CPA6: variants seen among roughly 807,000 people sequenced by gnomAD.
CPA6 encodes carboxypeptidase A6, also known as carboxypeptidase B.
In CPA6, 58 loss-of-function variants were observed where a neutral mutation model predicts 63.3. The observed-to-expected ratio is 0.92, with a 90% CI of 0.74 to 1.14. CPA6 has a LOEUF of 1.14. CPA6 is among the 50% of genes most tolerant of loss of function. The probability of loss-of-function intolerance (pLI) is 0.00; values close to 1 mark genes in which losing one functional copy is unlikely to be tolerated. For synonymous variants in CPA6, 185 were observed against 179.0 expected, an observed-to-expected ratio of 1.03 and a Z score of -0.27; for missense variants, 565 against 526.6, an observed-to-expected ratio of 1.07 and a Z score of -0.71.
chr8:67,614,322 G>T (rs553804377), intron 2 of CPA6, among the ~76,000 whole-genome samples: 18 of 152,330 alleles, frequency 1.2e-4, no homozygotes, highest in African/African-American at 4.3e-4. Context: ...TCTGCAAGGG[G>T]GATCAGGGAA....
chr8:67,607,180 CTTCTTCTTCTTCTTCTTCTT>C (rs1814673019), intron 2 of CPA6, among the ~76,000 whole-genome samples: 1 of 19,108 alleles, frequency 5.2e-5, no homozygotes, highest in Admixed American at 6.6e-4. Flanking sequence ...TCTTCTTCTT[CTTCTTCTTCTTCTTCTTCTT>C]CTTCTTCTTC....
chr8:67,458,262 T>C (rs1484055116), intron 8 of CPA6, among the ~76,000 whole-genome samples: 9 of 152,188 alleles, frequency 5.9e-5, no homozygotes, highest in Non-Finnish European at 1.0e-4. Flanking sequence ...AGTGGTGCAA[T>C]CTCGGCTCAC....
chr8:67,613,973 C>G (rs1814875820), intron 2 of CPA6, among the ~76,000 whole-genome samples: 1 of 152,116 alleles, frequency 6.6e-6, no homozygotes, highest in Non-Finnish European at 1.5e-5. Context: ...ATTCCAGCTC[C>G]CTATCCATCC....
chr8:67,731,602 G>C (rs1411548072), intron 1 of CPA6, among the ~76,000 whole-genome samples: 1 of 152,196 alleles, frequency 6.6e-6, no homozygotes, highest in Non-Finnish European at 1.5e-5. Flanking sequence ...GATCAACTCT[G>C]TGTTTGAATT....
intron 2 of CPA6, among the ~76,000 whole-genome samples, chr8:67,526,874 C>T (rs902533300): frequency 3.3e-5 from 5 of 152,102 alleles, no homozygotes; most frequent in East Asian, 1.9e-4. Flanking sequence ...TAAGTACTAA[C>T]GAAAGGTTTC....
intron 2 of CPA6, among the ~76,000 whole-genome samples, chr8:67,617,067 C>T (rs1298933997): frequency 6.6e-6 from 1 of 152,132 alleles, no homozygotes; most frequent in Non-Finnish European, 1.5e-5. Context: ...AATGTCAAAA[C>T]TTAGAAATTC....
chr8:67,441,238 T>C (rs1810288554), intron 8 of CPA6, among the ~76,000 whole-genome samples: 1 of 152,196 alleles, frequency 6.6e-6, no homozygotes, highest in Non-Finnish European at 1.5e-5. Flanking sequence ...GGATGTGCAG[T>C]AGAAAATAAG....
At chr8:67,423,460 T>C (rs1809813234) in intron 10 of CPA6, among the ~76,000 whole-genome samples, 1 of 152,210 alleles carries the variant, frequency 6.6e-6, no homozygotes, top group South Asian at 2.1e-4. Context: ...TTTACTTAGA[T>C]TGGTATTTTC....
At chr8:67,504,166 C>T (rs1001752938) in intron 6 of CPA6, among the ~76,000 whole-genome samples, 1 of 152,164 alleles carries the variant, frequency 6.6e-6, no homozygotes, top group Non-Finnish European at 1.5e-5. Context: ...TGACTTCCAA[C>T]TGTGTGCACA....
chr8:67,737,622 C>T (rs1817838754), intron 1 of CPA6, among the ~76,000 whole-genome samples: 1 of 152,194 alleles, frequency 6.6e-6, no homozygotes, highest in South Asian at 2.1e-4. Flanking sequence ...GCCTGAGTTA[C>T]TCATTATGCT....
chr8:67,635,844 T>G (rs1746622596), intron 1 of CPA6, among the ~76,000 whole-genome samples: 1 of 151,652 alleles, frequency 6.6e-6, no homozygotes, highest in Non-Finnish European at 1.5e-5. Flanking sequence ...ATGTTCAATT[T>G]GTCAATACTT....
At chr8:67,544,921 TA>T (rs1377310554) in intron 2 of CPA6, among the ~76,000 whole-genome samples, 1 of 152,204 alleles carries the variant, frequency 6.6e-6, no homozygotes, top group African/African-American at 2.4e-5. Flanking sequence ...GCAGATATTT[TA>T]GATCCATTTT....
At chr8:67,561,159 C>T (rs970370418) in intron 2 of CPA6, among the ~76,000 whole-genome samples, 3 of 152,100 alleles carry the variant, frequency 2.0e-5, no homozygotes, top group African/African-American at 7.2e-5. Context: ...GCTTATAGAA[C>T]TTCAAAATTT....
chr8:67,426,507 T>C (rs186224470), intron 10 of CPA6, among the ~76,000 whole-genome samples: 65 of 152,192 alleles, frequency 4.3e-4, no homozygotes, highest in Middle Eastern at 6.8e-3. Context: ...ATGAGACCAA[T>C]GATCATGGAC....
intron 2 of CPA6, among the ~76,000 whole-genome samples, chr8:67,529,240 T>G (rs1412968277): frequency 6.6e-6 from 1 of 152,132 alleles, no homozygotes; most frequent in Non-Finnish European, 1.5e-5. Flanking sequence ...AAATGCTCAC[T>G]TTATCTTTGA....
chr8:67,487,053 A>G (rs1403733570), intron 6 of CPA6, among the ~76,000 whole-genome samples: 1 of 151,104 alleles, frequency 6.6e-6, no homozygotes, highest in Non-Finnish European at 1.5e-5. Flanking sequence ...TTCTGAATAT[A>G]TATGTATATT....
rs373488094 is a variant in CPA6, at chr8:67,475,839, C to CTT, written c.838+7927_838+7928dup. Among the ~76,000 whole-genome samples, 123 of 62,154 alleles carry CTT rather than the reference C, an allele frequency of 2.0e-3. 1 individual carries two copies. In the Middle Eastern group the frequency reaches 0.021, roughly 11 times the overall value. The allele number at this position is 62,154 out of a possible 152,430, so 40.8% of individuals were successfully genotyped here. A position where few individuals can be genotyped will look rare whatever the true frequency, so the allele number is the denominator to read the frequency against. ...TTTCCTTTCTTTTCTTTCTTTCTTT[C>CTT]TTTCTTTCTTTCTTTCTTTCTTTCT... On this transcript the variant is annotated intron_variant, in intron 8 of 10. Transcript: ENST00000297770.
chr8:67,561,535 T>G (rs1040856072), intron 2 of CPA6, among the ~76,000 whole-genome samples: 1 of 152,134 alleles, frequency 6.6e-6, no homozygotes, highest in Non-Finnish European at 1.5e-5. Context: ...AGAGCTGGCA[T>G]GAAATCTTCA....
At chr8:67,676,155 T>C (rs893321843) in intron 1 of CPA6, among the ~76,000 whole-genome samples, 2 of 152,244 alleles carry the variant, frequency 1.3e-5, no homozygotes, top group Non-Finnish European at 2.9e-5. Context: ...CTTTTGCTTT[T>C]TAGCGGGGTT....
Sources: allele counts gnomAD v4.1 joint callset (sites outside exome capture counted in the v4.1 genomes callset), GRCh38; gene constraint gnomAD v4.1.1; transcripts MANE v1.5; gene names NCBI Gene and HGNC (gene_info 2026-07-23, HGNC 2026-07-21).